Variants in DMD observed in about 807,000 individuals in gnomAD.
DMD encodes the protein mutant dystrophin.
In DMD, 63 loss-of-function variants were observed where a neutral mutation model predicts 330.1. The observed-to-expected ratio is 0.19, with a 90% CI of 0.16 to 0.24. DMD has a LOEUF of 0.24. DMD is among the 10% of genes least tolerant of loss of function. DMD has a pLI of 1.00. For missense variants in DMD, 3,344 were observed against 2,684.1 expected, an observed-to-expected ratio of 1.25 and a Z score of -5.43; for synonymous variants, 1,223 against 959.8, an observed-to-expected ratio of 1.27 and a Z score of -5.07.
intron 44 of DMD, among the ~76,000 whole-genome samples, chrX:32,083,419 G>A (rs753328879): frequency 8.2e-5 from 9 of 109,728 alleles, no homozygotes; most frequent in Non-Finnish European, 1.1e-4. Flanking sequence ...CACTACGCCC[G>A]GCTGATTTTT....
intron 1 of DMD, among the ~76,000 whole-genome samples, chrX:33,105,360 T>C (rs2095276523): frequency 9.0e-6 from 1 of 111,628 alleles, no homozygotes; most frequent in Non-Finnish European, 1.9e-5. Flanking sequence ...TCCTGGACAT[T>C]GGCCTAGGTA....
At chrX:33,323,501 T>C (rs928274956) in intron 1 of DMD, among the ~76,000 whole-genome samples, 2 of 111,744 alleles carry the variant, frequency 1.8e-5, no homozygotes, top group Non-Finnish European at 3.8e-5. Flanking sequence ...AGGGTGAAAG[T>C]TGGAATAAAT....
intron 62 of DMD, chrX:31,266,991 T>G (rs2051217321): frequency 1.2e-6 from 1 of 827,816 alleles, no homozygotes; most frequent in Non-Finnish European, 1.6e-6. Context: ...GAGGGGGCGC[T>G]GCGGGCAGAC....
intron 49 of DMD, among the ~76,000 whole-genome samples, chrX:31,826,769 T>C (rs1003075485): frequency 4.5e-5 from 5 of 112,291 alleles, no homozygotes; most frequent in Non-Finnish European, 9.4e-5. Context: ...GGATAATAGT[T>C]ATCAAGTCCT....
At chrX:33,013,692 G>T (rs1352976431) in intron 2 of DMD, among the ~76,000 whole-genome samples, 4 of 112,404 alleles carry the variant, frequency 3.6e-5, no homozygotes, top group African/African-American at 6.4e-5. Flanking sequence ...CAATGGAAAG[G>T]TACATATATA....
intron 3 of DMD, among the ~76,000 whole-genome samples, chrX:32,846,110 G>A (rs1027666331): frequency 2.7e-5 from 3 of 111,700 alleles, no homozygotes; most frequent in Admixed American, 1.9e-4. Flanking sequence ...CACATAGTTG[G>A]TCCAACATAA....
chrX:31,770,429 A>G (rs369547267), intron 51 of DMD, among the ~76,000 whole-genome samples: 13 of 107,154 alleles, frequency 1.2e-4, no homozygotes, highest in African/African-American at 4.3e-4. Context: ...TGGAATCACA[A>G]TTCCTCTGAT....
chrX:32,186,244 G>C (rs998606949), intron 44 of DMD, among the ~76,000 whole-genome samples: 1 of 110,942 alleles, frequency 9.0e-6, no homozygotes, highest in African/African-American at 3.3e-5. Flanking sequence ...ATATGACTGT[G>C]TTTTATAGAT....
intron 42 of DMD, among the ~76,000 whole-genome samples, chrX:32,302,911 C>A (rs751063514): frequency 4.5e-5 from 5 of 110,927 alleles, no homozygotes; most frequent in South Asian, 3.8e-4. Flanking sequence ...AAGGGTACAA[C>A]TATCAACAAT....
chrX:32,945,309 A>G (rs1236714483), intron 2 of DMD, among the ~76,000 whole-genome samples: 1 of 111,598 alleles, frequency 9.0e-6, no homozygotes, highest in Non-Finnish European at 1.9e-5. Flanking sequence ...AGAAATTAGC[A>G]TTTAGAAAAA....
intron 44 of DMD, among the ~76,000 whole-genome samples, chrX:32,149,864 G>C (rs1246822528): frequency 8.9e-6 from 1 of 111,871 alleles, no homozygotes; most frequent in African/African-American, 3.2e-5. Flanking sequence ...GATTGGGAAG[G>C]GAAACAGACC....
intron 51 of DMD, among the ~76,000 whole-genome samples, chrX:31,768,609 T>C (rs1370310856): frequency 9.0e-6 from 1 of 111,391 alleles, no homozygotes; most frequent in Non-Finnish European, 1.9e-5. Context: ...TTTCCCTTCA[T>C]TTGATAGATT....
chrX:32,504,333 G>C (rs1324697364), intron 18 of DMD, among the ~76,000 whole-genome samples: 1 of 111,559 alleles, frequency 9.0e-6, no homozygotes, highest in Non-Finnish European at 1.9e-5. Context: ...CTGTACAAAT[G>C]ATAACATGGG....
intron 44 of DMD, among the ~76,000 whole-genome samples, chrX:32,165,579 T>C (rs925118016): frequency 8.9e-6 from 1 of 112,414 alleles, no homozygotes; most frequent in African/African-American, 3.2e-5. Context: ...TTGTCTCAGA[T>C]GAGACTTTGG....
rs1423219176 is a variant in DMD at position 31,534,967 on chromosome X, A to G, written c.8218-27514T>C. Among the ~76,000 whole-genome samples the G allele has an allele frequency of 6.0e-5, 4 of 66,721 alleles. No individual in the cohort carries two copies. The East Asian group carries it at 1.7e-3, about 28-fold the overall frequency. The allele number at this position is 66,721 out of a possible 115,157, so 57.9% of individuals were successfully genotyped here. A position where few individuals can be genotyped will look rare whatever the true frequency, so the allele number is the denominator to read the frequency against. On this transcript the variant is annotated intron_variant, in intron 55 of 78. Coordinates refer to ENST00000357033, the MANE Select transcript of DMD (RefSeq NM_004006.3). The stretch of plus-strand genomic sequence containing the variant: ...ACCTCTTCAAGGAGAACTACAAACC[A>G]CTGCTCAAGGAAATAAAAGAGGACA...
At chrX:32,294,011 C>T (rs6631539) in intron 42 of DMD, among the ~76,000 whole-genome samples, 5,722 of 111,689 alleles carry the variant, frequency 0.051, 206 homozygotes, top group East Asian at 0.3. Context: ...TTTAGGGCTA[C>T]TCCGCTAGCC....
In DMD at chrX:32,834,852, T is replaced by C. The variant is rs374034793; in HGVS notation, c.264+9931A>G. 4.7e-4 allele frequency among the ~76,000 whole-genome samples: 52 copies of C among 111,561 alleles called. 2 individuals are homozygous for C. In the South Asian group the frequency reaches 0.013, roughly 28 times the overall value. On this transcript the variant is annotated intron_variant, in intron 4 of 78. Transcript: ENST00000357033. ...AGGGTATATTTCAACACTATACCTT[T>C]TGTATGAATCTTTATAAAAGGGATC...
At position 31,847,492 on chromosome X, in the gene DMD, G is replaced by C. The variant is rs138307246; in HGVS notation, c.7099-10673C>G. ...TATTAAGGGCAAGATACTATTGCTT[G>C]AAGGGTCAACTGTAGTAAATCCAAT... On this transcript the variant is annotated intron_variant, in intron 48 of 78. Transcript: ENST00000357033. 1.8e-3 allele frequency among the ~76,000 whole-genome samples: 199 copies of C among 111,830 alleles called. 7 individuals carry two copies. In the East Asian group the frequency reaches 0.044, roughly 25 times the overall value.
chrX:33,083,456 C>T (rs1180537771), intron 1 of DMD, among the ~76,000 whole-genome samples: 6 of 111,320 alleles, frequency 5.4e-5, no homozygotes, highest in South Asian at 3.8e-4. Context: ...GACCTCTGAA[C>T]GGTAATTCAC....
Sources: allele counts gnomAD v4.1 joint callset (sites outside exome capture counted in the v4.1 genomes callset), GRCh38; gene constraint gnomAD v4.1.1; transcripts MANE v1.5; gene names NCBI Gene and HGNC (gene_info 2026-07-23, HGNC 2026-07-21).